Variants in ASPH observed in about 807,000 individuals in gnomAD.
The protein encoded by ASPH is aspartate beta-hydroxylase.
Under a neutral mutation model 118.4 loss-of-function variants are expected in ASPH, and 100 were observed. The observed-to-expected ratio is 0.84, with a 90% CI of 0.72 to 1.00. ASPH has a LOEUF of 1.00. ASPH is among the 50% of genes least tolerant of loss of function. The pLI is 0.00. For missense variants in ASPH, 920 were observed against 919.5 expected (o/e 1.00, Z -0.01); for synonymous variants, 315 against 325.6 (o/e 0.97, Z 0.35).
At chr8:61,569,908 T>C (rs2131831697) in intron 16 of ASPH, among the ~76,000 whole-genome samples, 1 of 152,316 alleles carries the variant, frequency 6.6e-6, no homozygotes, top group South Asian at 2.1e-4. Flanking sequence ...ATACTGGCTC[T>C]TCTGTATAGG....
Position 61,503,357 on chromosome 8 carries a change from T to G in ASPH, c.*2A>C. On this transcript the variant is annotated 3_prime_UTR_variant, in exon 25 of 25. Transcript: ENST00000379454. ...AGTTTCCCAAGCTTGCATGAATTCATGCTAAATTGCTGGAAGGCTGCGTCT... is the reference window on the plus strand; with the variant it reads ...AGTTTCCCAAGCTTGCATGAATTCAGGCTAAATTGCTGGAAGGCTGCGTCT... The G allele has an allele frequency of 1.9e-6, 3 of 1,601,918 alleles. No homozygotes were observed. Among genetic ancestry groups the G allele is most frequent in the Non-Finnish European group, 2.6e-6 (3 of 1,172,708 alleles).
At chr8:61,665,349 T>C (rs1563470989) in intron 3 of ASPH, 1 of 1,613,996 alleles carries the variant, frequency 6.2e-7, no homozygotes, top group Non-Finnish European at 8.5e-7. Context: ...GATGCCATTT[T>C]ACTAGAAACA....
intron 13 of ASPH, among the ~76,000 whole-genome samples, chr8:61,622,684 C>T (rs1851406043): frequency 6.6e-6 from 1 of 152,188 alleles, no homozygotes; most frequent in South Asian, 2.1e-4. Context: ...GGCCTCCCTC[C>T]AATGGCTTCC....
chr8:61,577,399 CAAAA>C (rs775523503), intron 15 of ASPH, among the ~76,000 whole-genome samples: 1 of 23,290 alleles, frequency 4.3e-5, no homozygotes, highest in African/African-American at 1.8e-4. Flanking sequence ...CCCAATCTCG[CAAAA>C]AAAAAAAAAA....
chr8:61,709,175 C>G (rs1837469784), intron 1 of ASPH, among the ~76,000 whole-genome samples: 1 of 152,148 alleles, frequency 6.6e-6, no homozygotes, highest in South Asian at 2.1e-4. Flanking sequence ...ATAACCACAT[C>G]AGCCAAAGGT....
chr8:61,655,167 G>A (rs1812994679), intron 3 of ASPH, among the ~76,000 whole-genome samples: 1 of 152,144 alleles, frequency 6.6e-6, no homozygotes. Context: ...ACTTGTTGAA[G>A]GGCTGAATAC....
chr8:61,681,066 G>A lies in ASPH; in HGVS notation c.254-30C>T, dbSNP rs941965754. 4.0e-6 allele frequency: 6 copies of A among 1,510,228 alleles called. No homozygotes were observed. In the African/African-American group the frequency reaches 8.5e-5, roughly 21 times the overall value. The allele number at this position is 1,510,228 out of a possible 1,614,324, so 93.6% of individuals were successfully genotyped here. On this transcript the variant is annotated intron_variant, in intron 2 of 24. Coordinates refer to ENST00000379454, the MANE Select transcript of ASPH (RefSeq NM_004318.4). ...AATAGGGCAGAAATGATGGATATGGGAATAAAAAAGAAAAGAAATTTAATA... is the reference window on the plus strand; with the variant it reads ...AATAGGGCAGAAATGATGGATATGGAAATAAAAAAGAAAAGAAATTTAATA...
At position 61,630,827 on chromosome 8, in the gene ASPH, T is replaced by C. The variant is rs145582201; in HGVS notation, c.934+2856A>G. ...TCTTACTTGTTAAAAAAAAGTTTAC[T>C]GTAAAACAGCCTCAGGCAGGTCCTT... On this transcript the variant is annotated intron_variant, in intron 13 of 24. Coordinates refer to ENST00000379454, the MANE Select transcript of ASPH (RefSeq NM_004318.4). Among the ~76,000 whole-genome samples the C allele has an allele frequency of 3.5e-3, 532 of 152,316 alleles. 4 individuals carry two copies. The highest frequency in any genetic ancestry group is 0.012 in the African/African-American group (480 of 41,568).
At chr8:61,534,782 A>G (rs1169800600) in intron 21 of ASPH, among the ~76,000 whole-genome samples, 3 of 152,264 alleles carry the variant, frequency 2.0e-5, no homozygotes, top group Non-Finnish European at 4.4e-5. Context: ...GTTAGTACAC[A>G]TTTCAGTAAC....
chr8:61,570,641 T>C (rs1010165338), intron 16 of ASPH, among the ~76,000 whole-genome samples: 1 of 152,218 alleles, frequency 6.6e-6, no homozygotes, highest in Non-Finnish European at 1.5e-5. Flanking sequence ...TAATTCTTTA[T>C]AAGCTCTTGA....
chr8:61,651,993 CA>C (rs948063447), intron 4 of ASPH, among the ~76,000 whole-genome samples: 3 of 151,984 alleles, frequency 2.0e-5, no homozygotes, highest in Admixed American at 6.6e-5. Context: ...TCTTCCATGA[CA>C]AAAAATAGAA....
At chr8:61,698,756 G>A (rs1393730930) in intron 1 of ASPH, among the ~76,000 whole-genome samples, 1 of 152,168 alleles carries the variant, frequency 6.6e-6, no homozygotes, top group Non-Finnish European at 1.5e-5. Flanking sequence ...GACTCTGGGA[G>A]ACCACAAGGG....
intron 3 of ASPH, chr8:61,680,515 C>T (rs555960043): frequency 6.6e-6 from 1 of 151,948 alleles, no homozygotes; most frequent in South Asian, 2.1e-4. Context: ...TTAAAATATG[C>T]ATGGGACATT....
chr8:61,607,115 G>A (rs1056800056), intron 14 of ASPH: 4 of 543,180 alleles, frequency 7.4e-6, no homozygotes, highest in Non-Finnish European at 1.3e-5. Context: ...TACTTGCTTT[G>A]CTTTCAGAGC....
intron 21 of ASPH, among the ~76,000 whole-genome samples, chr8:61,539,036 G>A (rs992748359): frequency 4.6e-5 from 7 of 152,118 alleles, no homozygotes; most frequent in Non-Finnish European, 8.8e-5. Flanking sequence ...GAGGTCCGGA[G>A]TTTGAGACCA....
rs780617071 is a variant in ASPH, at chr8:61,643,998, G to A, written c.656C>T (p.Ser219Leu). The A allele has an allele frequency of 2.5e-6, 4 of 1,607,748 alleles. No individual in the cohort carries two copies. The highest frequency in any genetic ancestry group is 1.7e-5 in the Admixed American group (1 of 59,810). ...EHSYHVEETV[S>L]QDCNQDMEEM... ...TTCCATATCCTGATTACAGTCTTGT[G>A]AAACTATAAATTATGGAATAATTAG... is the stretch of plus-strand genomic sequence containing the variant. The change falls in exon 8 of 25, where the codon TCA (serine) becomes TTA (leucine). Residue 219 changes from serine to leucine, a missense_variant. Physicochemically the swap from Ser to Leu is moderately radical, Grantham distance 145 (BLOSUM62 -2). Transcript: ENST00000379454.
chr8:61,652,293 T>C (rs1484890006), intron 4 of ASPH, among the ~76,000 whole-genome samples: 2 of 152,188 alleles, frequency 1.3e-5, no homozygotes, highest in African/African-American at 4.8e-5. Context: ...TGGTGCACTC[T>C]GCTCACTCTT....
At chr8:61,646,943 G>C (rs1588607062) in intron 5 of ASPH, 65 bp from the exon 6 acceptor site, 1 of 1,602,310 alleles carries the variant, frequency 6.2e-7, no homozygotes. Context: ...CTTGTGAAGG[G>C]CTGCCACACA....
intron 21 of ASPH, among the ~76,000 whole-genome samples, chr8:61,529,348 G>T (rs931680218): frequency 2.6e-5 from 4 of 152,216 alleles, no homozygotes; most frequent in African/African-American, 9.6e-5. Flanking sequence ...CTTGCAAGGT[G>T]CTTAGAGAGC....
Sources: allele counts gnomAD v4.1 joint callset (sites outside exome capture counted in the v4.1 genomes callset), GRCh38; gene constraint gnomAD v4.1.1; transcripts MANE v1.5; gene names NCBI Gene and HGNC (gene_info 2026-07-23, HGNC 2026-07-21).